The following IGSF21 variants were observed in gnomAD, a reference collection of about 807,000 sequenced individuals.
IGSF21 encodes immunoglobin superfamily member 21.
A neutral mutation model predicts 46.8 loss-of-function variants in IGSF21; 28 were observed. The ratio of observed to expected loss-of-function variants is 0.60; its 90% CI spans 0.44 to 0.82. IGSF21 has a LOEUF of 0.82. Ranked by LOEUF, IGSF21 falls within the 40% of genes least tolerant of loss-of-function variation. IGSF21 has a pLI of 0.00. For missense variants in IGSF21, 624 were observed against 665.5 expected, an observed-to-expected ratio of 0.94 and a Z score of 0.69; for synonymous variants, 284 against 273.6, an observed-to-expected ratio of 1.04 and a Z score of -0.38.
At chr1:18,304,751 T>C (rs1386108858) in intron 3 of IGSF21, among the ~76,000 whole-genome samples, 1 of 139,676 alleles carries the variant, frequency 7.2e-6, no homozygotes, top group African/African-American at 2.5e-5. Flanking sequence ...ACACACATTA[T>C]CCTTTTCCTT....
intron 1 of IGSF21, chr1:18,115,684 G>A (rs1489722637): frequency 6.6e-6 from 1 of 152,088 alleles, no homozygotes; most frequent in Non-Finnish European, 1.5e-5. Flanking sequence ...GGAAGACCAA[G>A]GGGACTTCGT....
chr1:18,255,647 TC>T (rs2084885315), intron 2 of IGSF21, among the ~76,000 whole-genome samples: 1 of 152,054 alleles, frequency 6.6e-6, no homozygotes, highest in South Asian at 2.1e-4. Context: ...GTTCCTCTCT[TC>T]CTCTCTGCAT....
intron 1 of IGSF21, among the ~76,000 whole-genome samples, chr1:18,187,483 G>A (rs2086914974): frequency 6.6e-6 from 1 of 152,198 alleles, no homozygotes; most frequent in Non-Finnish European, 1.5e-5. Flanking sequence ...CAAAGAATCA[G>A]AGAGCCAAGC....
At chr1:18,174,683 C>G (rs913527171) in intron 1 of IGSF21, among the ~76,000 whole-genome samples, 32 of 152,342 alleles carry the variant, frequency 2.1e-4, no homozygotes, top group African/African-American at 7.5e-4. Context: ...GCCTTCTCCC[C>G]CCAGGGAAGG....
chr1:18,236,928 G>C (rs1265995075), intron 2 of IGSF21, among the ~76,000 whole-genome samples: 1 of 152,192 alleles, frequency 6.6e-6, no homozygotes, highest in Non-Finnish European at 1.5e-5. Context: ...TGCCTAGCTA[G>C]AGTGGGCTGA....
chr1:18,377,877 C>G (rs900237930), intron 9 of IGSF21, among the ~76,000 whole-genome samples: 1 of 152,106 alleles, frequency 6.6e-6, no homozygotes, highest in African/African-American at 2.4e-5. Flanking sequence ...CAGTGCAGGC[C>G]CTTTATACTG....
intron 1 of IGSF21, among the ~76,000 whole-genome samples, chr1:18,180,555 G>A (rs977114240): frequency 9.2e-5 from 14 of 152,192 alleles, no homozygotes; most frequent in African/African-American, 3.4e-4. Context: ...CAAAAAAGTG[G>A]TTTGGAAGGC....
chr1:18,351,916 G>A (rs975674062), intron 4 of IGSF21, among the ~76,000 whole-genome samples: 7 of 152,226 alleles, frequency 4.6e-5, no homozygotes, highest in African/African-American at 1.7e-4. Context: ...CCCACAGGCT[G>A]CGGGGCAGGC....
chr1:18,226,721 C>T (rs2084570872), intron 1 of IGSF21, among the ~76,000 whole-genome samples: 1 of 152,188 alleles, frequency 6.6e-6, no homozygotes, highest in Non-Finnish European at 1.5e-5. Flanking sequence ...GGGGTCAGGC[C>T]CATGGGCTCC....
At chr1:18,305,495 T>TGGAG (rs762889008) in intron 3 of IGSF21, among the ~76,000 whole-genome samples, 1 of 135,546 alleles carries the variant, frequency 7.4e-6, no homozygotes, top group Non-Finnish European at 1.5e-5. Context: ...GGATGATGGA[T>TGGAG]GGATGGATGG....
chr1:18,175,271 G>T (rs1338079921), intron 1 of IGSF21, among the ~76,000 whole-genome samples: 1 of 152,116 alleles, frequency 6.6e-6, no homozygotes. Flanking sequence ...TTTATAATCT[G>T]GAGGGACTGG....
At chr1:18,343,996 G>A (rs1417010506) in intron 4 of IGSF21, among the ~76,000 whole-genome samples, 1 of 152,174 alleles carries the variant, frequency 6.6e-6, no homozygotes, top group Non-Finnish European at 1.5e-5. Context: ...GGTACAGAAG[G>A]TCCTGGGGGT....
chr1:18,333,665 C>T (rs2085737096), intron 3 of IGSF21, among the ~76,000 whole-genome samples: 1 of 152,184 alleles, frequency 6.6e-6, no homozygotes. Flanking sequence ...GACTCCATGT[C>T]AAGGCTCTTT....
At chr1:18,288,222 A>G (rs2085234059) in intron 2 of IGSF21, among the ~76,000 whole-genome samples, 1 of 152,212 alleles carries the variant, frequency 6.6e-6, no homozygotes, top group South Asian at 2.1e-4. Context: ...AAAGCCTCCC[A>G]TAGACAGAAA....
chr1:18,164,937 A>T (rs1463127900), intron 1 of IGSF21, among the ~76,000 whole-genome samples: 4 of 122,402 alleles, frequency 3.3e-5, no homozygotes, highest in Non-Finnish European at 4.7e-5. Context: ...TCCTGTGTCC[A>T]AGTGTTCTCA....
chr1:18,342,053 TG>T (rs2085847142), intron 4 of IGSF21, among the ~76,000 whole-genome samples: 3 of 42,050 alleles, frequency 7.1e-5, no homozygotes, highest in Non-Finnish European at 2.0e-4. Context: ...GCATTTTCCT[TG>T]TTTTTTTTTT....
chr1:18,180,390 G>C (rs2086845548), intron 1 of IGSF21, among the ~76,000 whole-genome samples: 1 of 152,078 alleles, frequency 6.6e-6, no homozygotes, highest in African/African-American at 2.4e-5. Flanking sequence ...GGGTTGCTGA[G>C]CCCTCAGCCT....
At chr1:18,288,442 A>C (rs944910521) in intron 2 of IGSF21, among the ~76,000 whole-genome samples, 2 of 152,184 alleles carry the variant, frequency 1.3e-5, no homozygotes, top group African/African-American at 4.8e-5. Context: ...ACCTCTTGTG[A>C]ATAAGGTCGT....
At chr1:18,299,037 A>G (rs1047973226) in intron 3 of IGSF21, among the ~76,000 whole-genome samples, 33 of 152,268 alleles carry the variant, frequency 2.2e-4, no homozygotes, top group Non-Finnish European at 4.0e-4. Context: ...AGATTCAGAT[A>G]TAATACAATG....
Sources: allele counts gnomAD v4.1 joint callset (sites outside exome capture counted in the v4.1 genomes callset), GRCh38; gene constraint gnomAD v4.1.1; transcripts MANE v1.5; gene names NCBI Gene and HGNC (gene_info 2026-07-23, HGNC 2026-07-21).